The following KIF5C variants were observed in gnomAD, a reference collection of about 807,000 sequenced individuals.
The protein encoded by KIF5C is kinesin heavy chain isoform 5C.
Under a neutral mutation model 125.2 loss-of-function variants are expected in KIF5C, and 18 were observed. The observed-to-expected ratio is 0.14, with a 90% CI of 0.10 to 0.21. The LOEUF is 0.21. KIF5C is among the 10% of genes least tolerant of loss of function. KIF5C has a pLI of 1.00. For missense variants in KIF5C, 780 were observed against 1,183.8 expected (o/e 0.66, Z 5.01); for synonymous variants, 405 against 434.0 (o/e 0.93, Z 0.83).
intron 11 of KIF5C, among the ~76,000 whole-genome samples, chr2:148,971,630 A>G (rs1680912262): frequency 6.6e-6 from 1 of 152,230 alleles, no homozygotes; most frequent in Non-Finnish European, 1.5e-5. Flanking sequence ...GGGTTGGCTC[A>G]ATTTTGTATT....
chr2:148,902,716 A>T (rs995015691), intron 1 of KIF5C, among the ~76,000 whole-genome samples: 1 of 152,200 alleles, frequency 6.6e-6, no homozygotes, highest in African/African-American at 2.4e-5. Context: ...CCCAAGGAAA[A>T]TTAGAATATT....
chr2:148,895,944 C>T (rs1031512334), intron 1 of KIF5C, among the ~76,000 whole-genome samples: 17 of 152,156 alleles, frequency 1.1e-4, no homozygotes, highest in Admixed American at 4.6e-4. Flanking sequence ...AGAGTCCCAC[C>T]GTTATCACCT....
At chr2:148,928,694 T>C (rs1682094840) in intron 2 of KIF5C, among the ~76,000 whole-genome samples, 1 of 152,082 alleles carries the variant, frequency 6.6e-6, no homozygotes. Flanking sequence ...GACATTAAAT[T>C]TAAGTGAGGG....
chr2:149,005,368 AG>A, intron 21 of KIF5C, 24 bp from the exon 22 acceptor site: 1 of 1,610,618 alleles, frequency 6.2e-7, no homozygotes, highest in Non-Finnish European at 8.5e-7. Context: ...GCTGCACTTA[AG>A]TGGCCTTTAA....
In KIF5C at chr2:149,008,483, G is replaced by T. The variant is rs149153899; in HGVS notation, c.2550+416G>T. On this transcript the variant is annotated intron_variant, in intron 23 of 25. Transcript: ENST00000435030. ...CTTTATTTTTACAGATGGGGAAACA[G>T]ACTGGTGCCTTGCTTCATTGCACCG... Among the ~76,000 whole-genome samples, 1,065 of 152,256 alleles carry T rather than the reference G, an allele frequency of 7.0e-3. 15 individuals are homozygous for T. The highest frequency in any genetic ancestry group is 0.024 in the African/African-American group (1,010 of 41,532).
intron 18 of KIF5C, 101 bp from the exon 19 acceptor site, chr2:148,998,299 G>T (rs1681737580): frequency 6.6e-7 from 1 of 1,508,492 alleles, no homozygotes; most frequent in Non-Finnish European, 8.9e-7. Context: ...TCTGACATCT[G>T]AGGGACACAG....
chr2:148,979,350 A>G (rs918634476), intron 13 of KIF5C, among the ~76,000 whole-genome samples: 1 of 152,110 alleles, frequency 6.6e-6, no homozygotes, highest in African/African-American at 2.4e-5. Flanking sequence ...TGGTGCAATC[A>G]TGGCTCACTG....
At position 148,889,900 on chromosome 2, in the gene KIF5C, C is replaced by T. The variant is rs540076943; in HGVS notation, c.126+14157C>T. Among the ~76,000 whole-genome samples the T allele has an allele frequency of 5.8e-4, 88 of 152,200 alleles. 1 individual carries two copies. The highest frequency in any genetic ancestry group is 1.9e-3 in the African/African-American group (77 of 41,546). The stretch of plus-strand genomic sequence containing the variant: ...GAAAAGCAATATGAGGAGGAAATTA[C>T]GGTGGAAAAAGAGAGGAAAGGAATG... On this transcript the variant is annotated intron_variant, in intron 1 of 25. Transcript: ENST00000435030.
chr2:148,969,075 G>T (rs1680825213), intron 11 of KIF5C, among the ~76,000 whole-genome samples: 1 of 152,032 alleles, frequency 6.6e-6, no homozygotes, highest in Admixed American at 6.6e-5. Context: ...TAACTAGCTT[G>T]TTGCTATTTC....
intron 20 of KIF5C, 82 bp downstream of exon 20, chr2:149,000,606 A>G: frequency 6.4e-7 from 1 of 1,574,080 alleles, no homozygotes; most frequent in Non-Finnish European, 8.6e-7. Flanking sequence ...AAAAACAGAC[A>G]ATGGCTATTT....
At chr2:148,992,704 CA>C (rs1236223477) in intron 16 of KIF5C, among the ~76,000 whole-genome samples, 9 of 152,198 alleles carry the variant, frequency 5.9e-5, no homozygotes, top group Admixed American at 3.9e-4. Context: ...CCAGGAATAT[CA>C]GGGGGAAATA....
chr2:148,911,296 G>T (rs1463888167), intron 1 of KIF5C, among the ~76,000 whole-genome samples: 1 of 152,144 alleles, frequency 6.6e-6, no homozygotes, highest in Non-Finnish European at 1.5e-5. Flanking sequence ...AGAAAAATTG[G>T]CAGTGACAGA....
intron 16 of KIF5C, among the ~76,000 whole-genome samples, chr2:148,991,728 C>T (rs1285364015): frequency 2.6e-5 from 4 of 152,190 alleles, no homozygotes; most frequent in Non-Finnish European, 5.9e-5. Flanking sequence ...GAGATTTAGA[C>T]TAAATGTCTG....
At chr2:148,989,210 C>T (rs754499334) in intron 15 of KIF5C, among the ~76,000 whole-genome samples, 2 of 152,052 alleles carry the variant, frequency 1.3e-5, no homozygotes, top group African/African-American at 2.4e-5. Flanking sequence ...TGAGAATATA[C>T]GATGTTTGGT....
intron 1 of KIF5C, among the ~76,000 whole-genome samples, chr2:148,920,065 A>G (rs933318671): frequency 2.6e-5 from 4 of 152,214 alleles, no homozygotes; most frequent in African/African-American, 9.6e-5. Flanking sequence ...ATTCTAATAA[A>G]CATTTTAAAC....
chr2:148,933,970 C>T (rs1301031946), intron 3 of KIF5C, among the ~76,000 whole-genome samples: 1 of 151,462 alleles, frequency 6.6e-6, no homozygotes, highest in Admixed American at 6.6e-5. Context: ...AGACACACTA[C>T]ACACCACATA....
At chr2:148,936,947 T>C (rs1682304399) in intron 3 of KIF5C, among the ~76,000 whole-genome samples, 1 of 152,214 alleles carries the variant, frequency 6.6e-6, no homozygotes, top group Non-Finnish European at 1.5e-5. Flanking sequence ...TTCTCGTTCC[T>C]TCTCCTGCTC....
Position 148,939,003 on chromosome 2 carries a change from G to A in KIF5C, c.396+1615G>A, listed in dbSNP as rs948011206. Among the ~76,000 whole-genome samples, 9 of 151,168 alleles carry A rather than the reference G, an allele frequency of 6.0e-5. No individual in the cohort carries two copies. The East Asian group carries it at 1.6e-3, about 26-fold the overall frequency. On this transcript the variant is annotated intron_variant, in intron 4 of 25. Coordinates refer to ENST00000435030, the MANE Select transcript of KIF5C (RefSeq NM_004522.3). Reference sequence around the variant, plus strand: ...CCAGCTACTCAGGAGGCTGAGGCACGAGAATCACTTGAACCTGGGAGGCAG... The same window carrying A: ...CCAGCTACTCAGGAGGCTGAGGCACAAGAATCACTTGAACCTGGGAGGCAG...
intron 23 of KIF5C, among the ~76,000 whole-genome samples, chr2:149,009,116 A>G (rs1208671788): frequency 6.7e-6 from 1 of 150,374 alleles, no homozygotes; most frequent in Non-Finnish European, 1.5e-5. Flanking sequence ...CAGCCTCCCG[A>G]GTAGCTGGGA....
Sources: gnomAD v4.1 joint callset for allele counts (sites outside exome capture counted in the v4.1 genomes callset) on GRCh38, gnomAD v4.1.1 for gene constraint, MANE v1.5 for transcripts, NCBI Gene and HGNC (gene_info 2026-07-23, HGNC 2026-07-21) for gene names.